The following GTF2B variants were observed in gnomAD, a reference collection of about 807,000 sequenced individuals.
GTF2B encodes transcription initiation factor IIB.
GTF2B carries 20 observed loss-of-function variants against 34.6 expected under a neutral mutation model. The ratio of observed to expected loss-of-function variants is 0.58; its 90% CI spans 0.41 to 0.84. The LOEUF (loss-of-function observed/expected upper bound fraction) is 0.84, where lower values mean the gene tolerates loss of function less well. Among genes scored for constraint, GTF2B ranks in the 40% least tolerant of loss-of-function variants. GTF2B has a pLI of 0.00. For missense variants in GTF2B, 237 were observed against 393.3 expected, an observed-to-expected ratio of 0.60 and a Z score of 3.36; for synonymous variants, 142 against 132.4, an observed-to-expected ratio of 1.07 and a Z score of -0.50.
At chr1:88,887,148 A>G in intron 2 of GTF2B, 113 bp downstream of exon 2, 1 of 639,218 alleles carries the variant, frequency 1.6e-6, no homozygotes, top group East Asian at 2.9e-5. Flanking sequence ...CGAACTCCTG[A>G]CCTCAGGTGA....
At chr1:88,856,147 G>A (rs1468188700) in intron 6 of GTF2B, among the ~76,000 whole-genome samples, 1 of 151,864 alleles carries the variant, frequency 6.6e-6, no homozygotes, top group Non-Finnish European at 1.5e-5. Flanking sequence ...GCACGTGGCT[G>A]TAGTCCCAGT....
intron 6 of GTF2B, among the ~76,000 whole-genome samples, chr1:88,855,659 T>G (rs1673287152): frequency 6.6e-6 from 1 of 151,884 alleles, no homozygotes; most frequent in Non-Finnish European, 1.5e-5. Context: ...TGCCACCAAC[T>G]TTTCTTTTTT....
intron 2 of GTF2B, among the ~76,000 whole-genome samples, chr1:88,867,806 T>A (rs1349543863): frequency 1.3e-5 from 2 of 152,196 alleles, no homozygotes; most frequent in Non-Finnish European, 2.9e-5. Context: ...TTATTTTTTT[T>A]AAATGGATTA....
At chr1:88,855,369 T>G (rs1301718242) in intron 6 of GTF2B, among the ~76,000 whole-genome samples, 2 of 150,830 alleles carry the variant, frequency 1.3e-5, no homozygotes, top group Non-Finnish European at 3.0e-5. Flanking sequence ...GTTTTTTTTT[T>G]TTTTTTTTGA....
At chr1:88,877,052 T>C (rs1400964580) in intron 2 of GTF2B, among the ~76,000 whole-genome samples, 1 of 152,188 alleles carries the variant, frequency 6.6e-6, no homozygotes, top group Non-Finnish European at 1.5e-5. Flanking sequence ...TGGTAAATTA[T>C]AAAGTAGTAC....
At chr1:88,879,418 A>G (rs1673884198) in intron 2 of GTF2B, among the ~76,000 whole-genome samples, 1 of 151,796 alleles carries the variant, frequency 6.6e-6, no homozygotes, top group African/African-American at 2.4e-5. Flanking sequence ...GTCTCTACTA[A>G]AAATACAAAA....
At chr1:88,880,361 G>A (rs1220187919) in intron 2 of GTF2B, among the ~76,000 whole-genome samples, 1 of 152,198 alleles carries the variant, frequency 6.6e-6, no homozygotes, top group Non-Finnish European at 1.5e-5. Flanking sequence ...CTTAGTGTAA[G>A]AGGTAAAGGC....
At chr1:88,857,596 C>G in intron 5 of GTF2B, 109 bp from the exon 6 acceptor site, 3 of 607,860 alleles carry the variant, frequency 4.9e-6, no homozygotes, top group Non-Finnish European at 8.6e-6. Context: ...GTAAAACATT[C>G]AATCATACCT....
chr1:88,856,303 A>G (rs1037964841), intron 6 of GTF2B, among the ~76,000 whole-genome samples: 5 of 146,818 alleles, frequency 3.4e-5, no homozygotes, highest in African/African-American at 1.2e-4. Flanking sequence ...AAAAAAAAAA[A>G]GGAAAAGAAA....
intron 5 of GTF2B, 33 bp downstream of exon 5, chr1:88,859,849 A>C (rs777505232): frequency 1.9e-6 from 3 of 1,599,984 alleles, no homozygotes. Flanking sequence ...CAAACAAACA[A>C]ACAAACACAA....
chr1:88,883,449 T>C lies in GTF2B; in HGVS notation c.124+3812A>G, dbSNP rs570658226. Among the ~76,000 whole-genome samples the C allele has an allele frequency of 2.6e-5, 4 of 152,182 alleles. No individual in the cohort carries two copies. In the South Asian group the frequency reaches 8.3e-4, roughly 32 times the overall value. ...CACAAAACTGGCTGAGCATGATAGC[T>C]CACACCTATAATCCCAGCACTTTGG... On this transcript the variant is annotated intron_variant, in intron 2 of 6. Transcript: ENST00000370500.
chr1:88,884,068 C>T (rs1271169158), intron 2 of GTF2B, among the ~76,000 whole-genome samples: 3 of 139,566 alleles, frequency 2.1e-5, no homozygotes, highest in Non-Finnish European at 4.5e-5. Context: ...CACTCTGTCA[C>T]TTAGGCTGGA....
chr1:88,856,272 C>CAAAAA lies in GTF2B; in HGVS notation c.817+929_817+933dup, dbSNP rs377030804. ...CAACAGAGGGAGACTGTTTCAAAAACAAAAAAAAAAAAAAAAAACAAAAAA... is the reference window on the plus strand; with the variant it reads ...CAACAGAGGGAGACTGTTTCAAAAACAAAAAAAAAAAAAAAAAAAAAAACAAAAAA... On this transcript the variant is annotated intron_variant, in intron 6 of 6. Transcript: ENST00000370500. 6.1e-3 allele frequency among the ~76,000 whole-genome samples: 307 copies of CAAAAA among 50,002 alleles called. 23 individuals are homozygous for CAAAAA. The highest frequency in any genetic ancestry group is 0.022 in the East Asian group (32 of 1,472). 32.8% of individuals were successfully genotyped at this position (50,002 alleles called of 152,430 possible).
chr1:88,872,460 A>T (rs1358910395), intron 2 of GTF2B, among the ~76,000 whole-genome samples: 3 of 120,636 alleles, frequency 2.5e-5, no homozygotes, highest in African/African-American at 1.6e-4. Context: ...CTCAATAAAA[A>T]AAAAAAAAAA....
At chr1:88,856,501 G>GTGTCT (rs911210019) in intron 6 of GTF2B, among the ~76,000 whole-genome samples, 3 of 152,036 alleles carry the variant, frequency 2.0e-5, no homozygotes, top group Non-Finnish European at 4.4e-5. Context: ...ATTTTACAGT[G>GTGTCT]TGTCTATCTG....
intron 6 of GTF2B, among the ~76,000 whole-genome samples, chr1:88,855,354 T>G (rs1342741746): frequency 6.8e-6 from 1 of 147,132 alleles, no homozygotes; most frequent in Non-Finnish European, 1.5e-5. Flanking sequence ...TCACTTTCTG[T>G]TTTTGTTTTT....
chr1:88,890,627 G>A (rs1674176935), intron 1 of GTF2B, among the ~76,000 whole-genome samples: 1 of 152,170 alleles, frequency 6.6e-6, no homozygotes, highest in African/African-American at 2.4e-5. Flanking sequence ...TCTTGGAAAA[G>A]TCAACATTGG....
intron 2 of GTF2B, among the ~76,000 whole-genome samples, chr1:88,866,073 A>T (rs962269666): frequency 3.9e-5 from 6 of 152,108 alleles, no homozygotes; most frequent in South Asian, 2.1e-4. Context: ...TGATAGATTT[A>T]AAAAAAGGCT....
intron 2 of GTF2B, among the ~76,000 whole-genome samples, chr1:88,882,180 C>A (rs1319575892): frequency 6.6e-6 from 1 of 151,896 alleles, no homozygotes; most frequent in East Asian, 1.9e-4. Context: ...TGTGGTGGTG[C>A]ATGCCTGTAA....
Sources: allele counts gnomAD v4.1 joint callset (sites outside exome capture counted in the v4.1 genomes callset), GRCh38; gene constraint gnomAD v4.1.1; transcripts MANE v1.5; gene names NCBI Gene and HGNC (gene_info 2026-07-23, HGNC 2026-07-21).